The following DCLRE1C variants were observed in gnomAD, a reference collection of about 807,000 sequenced individuals.
DCLRE1C encodes DNA cross-link repair 1C, also known as protein artemis.
DCLRE1C carries 47 observed loss-of-function variants against 61.4 expected under a neutral mutation model. The ratio of observed to expected loss-of-function variants is 0.77; its 90% CI spans 0.61 to 0.98. DCLRE1C has a LOEUF of 0.98. DCLRE1C is among the 50% of genes least tolerant of loss of function. DCLRE1C has a pLI of 0.00. For synonymous variants in DCLRE1C, 337 were observed against 287.6 expected (o/e 1.17, Z -1.74); for missense variants, 858 against 816.0 (o/e 1.05, Z -0.63).
intron 1 of DCLRE1C, among the ~76,000 whole-genome samples, chr10:14,952,333 T>C (rs1383876859): frequency 6.6e-6 from 1 of 152,110 alleles, no homozygotes; most frequent in African/African-American, 2.4e-5. Context: ...ACACCTGTAA[T>C]CCTAACACTT....
chr10:14,899,488 GCTT>G, intron 13 of DCLRE1C: 1 of 1,590,424 alleles, frequency 6.3e-7, no homozygotes, highest in Non-Finnish European at 8.6e-7. Context: ...GTAGATGAAT[GCTT>G]CTTTGGTTCA....
At chr10:14,917,808 C>G (rs1475516050) in intron 13 of DCLRE1C, among the ~76,000 whole-genome samples, 1 of 152,044 alleles carries the variant, frequency 6.6e-6, no homozygotes, top group Non-Finnish European at 1.5e-5. Flanking sequence ...CAGCAAGACT[C>G]TGTCTCAAAA....
At position 14,954,032 on chromosome 10, in the gene DCLRE1C, C is replaced by T. The variant is rs746905816; in HGVS notation, c.-22G>A. On this transcript the variant is annotated 5_prime_UTR_variant, in exon 1 of 14. Transcript: ENST00000378278. Reference sequence around the variant, plus strand: ...TCATAGCGCCGCCGATCCCAGAGTCCGGGACCCCAAAACCGCAGCTGAAGC... The same window carrying T: ...TCATAGCGCCGCCGATCCCAGAGTCTGGGACCCCAAAACCGCAGCTGAAGC... 3 of 1,613,678 alleles carry T rather than the reference C, an allele frequency of 1.9e-6. 1 individual carries two copies. Among genetic ancestry groups the T allele is most frequent in the Admixed American group, 1.7e-5 (1 of 60,020 alleles).
chr10:14,925,070 G>A (rs950894581), intron 11 of DCLRE1C, among the ~76,000 whole-genome samples: 1 of 151,798 alleles, frequency 6.6e-6, no homozygotes, highest in Non-Finnish European at 1.5e-5. Context: ...AAGGCAGGAA[G>A]ATCTATTCTT....
chr10:14,904,018 G>A (rs1834190951), downstream of DCLRE1C: 1 of 152,118 alleles, frequency 6.6e-6, no homozygotes, highest in African/African-American at 2.4e-5. Context: ...GCAGAATGGG[G>A]GGCCAGGCCT....
intron 13 of DCLRE1C, among the ~76,000 whole-genome samples, chr10:14,916,690 A>T (rs1836255484): frequency 6.6e-6 from 1 of 152,218 alleles, no homozygotes; most frequent in African/African-American, 2.4e-5. Flanking sequence ...CCAAAATGAA[A>T]TACTTAGGGA....
downstream of DCLRE1C, chr10:14,901,086 T>C (rs369691507): frequency 6.9e-6 from 11 of 1,602,028 alleles, no homozygotes; most frequent in African/African-American, 1.5e-4. Context: ...GTAGAAGGGC[T>C]TGTTTACACC....
In DCLRE1C at chr10:14,946,089, C is replaced by T. The variant is rs146324264; in HGVS notation, c.162-900G>A. 2.5e-3 allele frequency among the ~76,000 whole-genome samples: 383 copies of T among 150,844 alleles called. 1 individual carries two copies. Among genetic ancestry groups the T allele is most frequent in the African/African-American group, 8.8e-3 (360 of 41,050 alleles). On this transcript the variant is annotated intron_variant, in intron 2 of 13. Transcript: ENST00000378278. ...GTGGCGCGATCTCGGCTCAAAGCAA[C>T]CTTCCGCCTCCCGGGTTCAAGCGAT... is the stretch of plus-strand genomic sequence containing the variant.
At chr10:14,919,885 T>C in intron 12 of DCLRE1C, 53 bp from the exon 13 acceptor site, 1 of 1,391,670 alleles carries the variant, frequency 7.2e-7, no homozygotes, top group Non-Finnish European at 1.0e-6. Context: ...TGTTAGAAGG[T>C]AGACATCATT....
intron 9 of DCLRE1C, among the ~76,000 whole-genome samples, chr10:14,932,494 G>A (rs546936178): frequency 3.3e-5 from 5 of 151,646 alleles, no homozygotes; most frequent in South Asian, 2.1e-4. Flanking sequence ...AAAATTAGCC[G>A]TGCATGGTGG....
At chr10:14,943,224 C>T (rs1841160870) in intron 3 of DCLRE1C, among the ~76,000 whole-genome samples, 1 of 152,170 alleles carries the variant, frequency 6.6e-6, no homozygotes. Flanking sequence ...GTAATGAACC[C>T]ACATTCTGTT....
Position 14,908,748 on chromosome 10 carries a change from GGTCTGTA to G in DCLRE1C, c.1732_1738del (p.Tyr578GlnfsTer16), listed in dbSNP as rs1834746901. ...GGCAGGAATATTCTCTTTGATTGTTGGTCTGTAGTCAGCTTTGTCCAAGGAAGTAATA... is the reference window on the plus strand; with the variant it reads ...GGCAGGAATATTCTCTTTGATTGTTGGTCAGCTTTGTCCAAGGAAGTAATA... On this transcript the variant is annotated frameshift_variant, in exon 14 of 14. Coordinates refer to ENST00000378278, the MANE Select transcript of DCLRE1C (RefSeq NM_001033855.3). LOFTEE classifies it low-confidence loss of function (END_TRUNC). The G allele has an allele frequency of 6.2e-7, 1 of 1,613,938 alleles. No individual in the cohort carries two copies. Among genetic ancestry groups the G allele is most frequent in the Non-Finnish European group, 8.5e-7 (1 of 1,180,002 alleles).
At position 14,922,873 on chromosome 10, in the gene DCLRE1C, C is replaced by G. The variant is rs547850705; in HGVS notation, c.1061+108G>C. ...AATGAGTATCAGTTCAGAAATGTCC[C>G]AAAACAAACAGATTCTAGACTTGTA... On this transcript the variant is annotated intron_variant, in intron 12 of 13. Transcript: ENST00000378278. The G allele has an allele frequency of 4.3e-5, 37 of 854,960 alleles. 1 individual carries two copies. The Middle Eastern group carries it at 8.7e-4, about 20-fold the overall frequency. The allele number at this position is 854,960 out of a possible 1,614,324, so 53.0% of individuals were successfully genotyped here. A position where few individuals can be genotyped will look rare whatever the true frequency, so the allele number is the denominator to read the frequency against.
Position 14,909,166 on chromosome 10 carries a change from T to C in DCLRE1C, c.1321A>G (p.Met441Val). The C allele has an allele frequency of 1.2e-6, 2 of 1,614,226 alleles. No individual in the cohort carries two copies. The highest frequency in any genetic ancestry group is 1.1e-5 in the South Asian group (1 of 91,086). ...AAGTTTGTGAAACGAGAGCTCTGCA[T>C]ACACTCTGCTCTGCAGCATCCTGGG... ...QTPGCCRAEC[M>V]QSSRFTNFVD... The change falls in exon 14 of 14, where the codon ATG becomes GTG. Residue 441 changes from methionine to valine, a missense_variant. Met to Val is a conservative substitution (Grantham distance 21). This residue lies in a region of DCLRE1C where 843 missense variants were observed against 783.5 expected (regional missense o/e 1.08). Coordinates refer to ENST00000378278, the MANE Select transcript of DCLRE1C (RefSeq NM_001033855.3).
At chr10:14,912,670 A>T (rs1835456007) in intron 13 of DCLRE1C, among the ~76,000 whole-genome samples, 1 of 152,176 alleles carries the variant, frequency 6.6e-6, no homozygotes, top group Non-Finnish European at 1.5e-5. Context: ...GCCAGGCACA[A>T]AATAGCACAT....
At chr10:14,912,687 T>C (rs1047612958) in intron 13 of DCLRE1C, among the ~76,000 whole-genome samples, 1 of 152,122 alleles carries the variant, frequency 6.6e-6, no homozygotes, top group African/African-American at 2.4e-5. Context: ...ACATGGTGTA[T>C]AATTTCTTTT....
At chr10:14,932,251 C>T (rs1473719996) in intron 9 of DCLRE1C, among the ~76,000 whole-genome samples, 1 of 151,812 alleles carries the variant, frequency 6.6e-6, no homozygotes, top group Non-Finnish European at 1.5e-5. Flanking sequence ...ATAAATAGCA[C>T]AAATGTTTAA....
intron 13 of DCLRE1C, among the ~76,000 whole-genome samples, chr10:14,914,186 T>C (rs1835775944): frequency 6.6e-6 from 1 of 152,074 alleles, no homozygotes; most frequent in African/African-American, 2.4e-5. Flanking sequence ...TAGTTAAAAA[T>C]ACAGAGATGG....
At chr10:14,951,791 A>AC (rs1842504376) in intron 1 of DCLRE1C, among the ~76,000 whole-genome samples, 1 of 152,054 alleles carries the variant, frequency 6.6e-6, no homozygotes, top group Non-Finnish European at 1.5e-5. Context: ...CCACGGTAGG[A>AC]CCCCACTTAA....
Sources: gnomAD v4.1 joint callset for allele counts (sites outside exome capture counted in the v4.1 genomes callset) on GRCh38, gnomAD v4.1.1 for gene constraint, gnomAD v4.1.1 regional missense constraint, MANE v1.5 for transcripts, NCBI Gene and HGNC (gene_info 2026-07-23, HGNC 2026-07-21) for gene names.